The following INSIG1 variants were observed in gnomAD, a reference collection of about 807,000 sequenced individuals.
INSIG1 encodes insulin-induced gene 1 protein.
A neutral mutation model predicts 26.5 loss-of-function variants in INSIG1; 14 were observed. The ratio of observed to expected loss-of-function variants is 0.53; its 90% CI spans 0.35 to 0.83. INSIG1 has a LOEUF of 0.83. Among genes scored for constraint, INSIG1 ranks in the 40% least tolerant of loss-of-function variants. The pLI is 0.01. For missense variants in INSIG1, 272 were observed against 368.9 expected (o/e 0.74, Z 2.15); for synonymous variants, 147 against 153.3 (o/e 0.96, Z 0.30).
chr7:155,301,746 G>T, intron 3 of INSIG1, 56 bp downstream of exon 3: 1 of 1,432,128 alleles, frequency 7.0e-7, no homozygotes, highest in South Asian at 1.7e-5. Flanking sequence ...ATATATTGAA[G>T]CGTTTTGTTT....
rs77905358 is a variant in INSIG1, at chr7:155,308,975, G to A, written c.*705G>A. On this transcript the variant is annotated 3_prime_UTR_variant, in exon 6 of 6. Coordinates refer to ENST00000340368, the MANE Select transcript of INSIG1 (RefSeq NM_005542.6). ...TGAAAAGTCTTGGTTCCCACACTGC[G>A]ATATATTGGAATTTTCACCTCAGTT... is the stretch of plus-strand genomic sequence containing the variant. 0.013 allele frequency: 2,002 copies of A among 152,720 alleles called. 90 individuals are homozygous for A. The East Asian group carries it at 0.16, about 12-fold the overall frequency. The allele number at this position is 152,720 out of a possible 1,614,324, so 9.5% of individuals were successfully genotyped here. A position where few individuals can be genotyped will look rare whatever the true frequency, so the allele number is the denominator to read the frequency against.
chr7:155,299,547 G>A (rs1797729117), intron 2 of INSIG1, among the ~76,000 whole-genome samples: 1 of 152,194 alleles, frequency 6.6e-6, no homozygotes, highest in African/African-American at 2.4e-5. Context: ...AACTCTATAA[G>A]CTGTTGAAAT....
At position 155,302,452 on chromosome 7, in the gene INSIG1, G is replaced by A; in HGVS notation, c.704+35G>A. 5.9e-6 allele frequency: 9 copies of A among 1,530,300 alleles called. No individual in the cohort carries two copies. Among genetic ancestry groups the A allele is most frequent in the Non-Finnish European group, 7.0e-6 (8 of 1,137,702 alleles). 94.8% of individuals were successfully genotyped at this position (1,530,300 alleles called of 1,614,324 possible). A position where few individuals can be genotyped will look rare whatever the true frequency, so the allele number is the denominator to read the frequency against. ...TGTTTTCAAATATTGGCTTTGGAAA[G>A]CTTACTTAACTTTCATTAAAACATC... On this transcript the variant is annotated intron_variant, in intron 4 of 5. Transcript: ENST00000340368. This position sits in a 1 kb window ranked among gnomAD's most constrained non-coding sequence, Gnocchi z 4.3.
Position 155,302,426 on chromosome 7 carries a change from G to A in INSIG1, c.704+9G>A, listed in dbSNP as rs758099145. 1 of 1,566,370 alleles carries A rather than the reference G, an allele frequency of 6.4e-7. No homozygotes were observed. The highest frequency in any genetic ancestry group is 1.4e-5 in the African/African-American group (1 of 73,008). On this transcript the variant is annotated intron_variant, in intron 4 of 5. Coordinates refer to ENST00000340368, the MANE Select transcript of INSIG1 (RefSeq NM_005542.6). The surrounding 1 kb of genome is among the most constrained non-coding windows in gnomAD (Gnocchi z 4.3). ...TATAATGGTGTCTATCAGTAAGTGT[G>A]TGTTTTCAAATATTGGCTTTGGAAA...
chr7:155,307,089 C>T (rs1216233476), intron 5 of INSIG1, among the ~76,000 whole-genome samples: 1 of 152,218 alleles, frequency 6.6e-6, no homozygotes. Flanking sequence ...AGGTTGCTGC[C>T]AAGAGTTTGC....
chr7:155,304,713 A>G (rs951089627), intron 5 of INSIG1, among the ~76,000 whole-genome samples: 2 of 152,200 alleles, frequency 1.3e-5, no homozygotes, highest in African/African-American at 4.8e-5. Context: ...TTGCTTACAG[A>G]AAAAAATGTT....
At position 155,303,810 on chromosome 7, in the gene INSIG1, A is replaced by G. The variant is rs373521398; in HGVS notation, c.804+964A>G. On this transcript the variant is annotated intron_variant, in intron 5 of 5. Transcript: ENST00000340368. ...CCTCATGCTATTTTTAAAACAGTAC[A>G]TTTATTTTTGCCAGCTGATACCCTT... 4 of 1,350,960 alleles carry G rather than the reference A, an allele frequency of 3.0e-6. No homozygotes were observed. The African/African-American group carries it at 5.9e-5, about 20-fold the overall frequency. 83.7% of individuals were successfully genotyped at this position (1,350,960 alleles called of 1,614,324 possible).
At chr7:155,304,099 G>A (rs527738569) in intron 5 of INSIG1, among the ~76,000 whole-genome samples, 1 of 151,296 alleles carries the variant, frequency 6.6e-6, no homozygotes, top group African/African-American at 2.4e-5. Context: ...GAGTAGCTGG[G>A]ATTACAGGCA....
chr7:155,301,932 T>C (rs1209379215), intron 3 of INSIG1, among the ~76,000 whole-genome samples: 1 of 66,238 alleles, frequency 1.5e-5, no homozygotes, highest in Non-Finnish European at 3.0e-5. Flanking sequence ...ATATTATATA[T>C]ATTTTTAAAT....
Position 155,298,259 on chromosome 7 carries a change from G to A in INSIG1, c.-27G>A. 1 of 1,458,808 alleles carries A rather than the reference G, an allele frequency of 6.9e-7. No individual in the cohort carries two copies. Among genetic ancestry groups the A allele is most frequent in the Non-Finnish European group, 9.0e-7 (1 of 1,108,878 alleles). The allele number at this position is 1,458,808 out of a possible 1,614,324, so 90.4% of individuals were successfully genotyped here. A position where few individuals can be genotyped will look rare whatever the true frequency, so the allele number is the denominator to read the frequency against. On this transcript the variant is annotated splice_region_variant and 5_prime_UTR_variant, in exon 2 of 6. Coordinates refer to ENST00000340368, the MANE Select transcript of INSIG1 (RefSeq NM_005542.6). ...GAACTTGATGACCCCCTTCTTCCAG[G>A]AAGCGCCTCTTGGACGCGTGTGACC...
chr7:155,308,122 C>T (rs141224929), intron 5 of INSIG1, 119 bp from the exon 6 acceptor site: 8,881 of 600,516 alleles, frequency 0.015, 89 homozygotes, highest in Non-Finnish European at 0.02. Flanking sequence ...AATCTTGTTG[C>T]TTCAGTCAAA....
intron 5 of INSIG1, among the ~76,000 whole-genome samples, chr7:155,305,087 A>G (rs1797901347): frequency 6.6e-6 from 1 of 151,480 alleles, no homozygotes; most frequent in Non-Finnish European, 1.5e-5. Flanking sequence ...CAGAGCTTGC[A>G]ATGAGCCGAG....
chr7:155,307,550 C>T (rs545141317), intron 5 of INSIG1, among the ~76,000 whole-genome samples: 2 of 152,316 alleles, frequency 1.3e-5, no homozygotes, highest in Admixed American at 6.5e-5. Context: ...AGAATTTACC[C>T]TGAGGTGCCT....
Position 155,308,993 on chromosome 7 carries a change from C to T in INSIG1, c.*723C>T, listed in dbSNP as rs1798014889. 6.6e-6 allele frequency: 1 copy of T among 152,622 alleles called. No homozygotes were observed. Among genetic ancestry groups the T allele is most frequent in the Admixed American group, 6.5e-5 (1 of 15,288 alleles). The allele number at this position is 152,622 out of a possible 1,614,324, so 9.5% of individuals were successfully genotyped here. On this transcript the variant is annotated 3_prime_UTR_variant, in exon 6 of 6. Transcript: ENST00000340368. ...ACACTGCGATATATTGGAATTTTCA[C>T]CTCAGTTTATGAAGTTTATTTCGAA...
Position 155,302,858 on chromosome 7 carries a change from G to A in INSIG1, c.804+12G>A. The A allele has an allele frequency of 1.3e-6, 2 of 1,530,170 alleles. No individual in the cohort carries two copies. The highest frequency in any genetic ancestry group is 1.8e-6 in the Non-Finnish European group (2 of 1,104,150). 94.8% of individuals were successfully genotyped at this position (1,530,170 alleles called of 1,614,324 possible). A position where few individuals can be genotyped will look rare whatever the true frequency, so the allele number is the denominator to read the frequency against. The stretch of plus-strand genomic sequence containing the variant: ...GACAGTTAGCTATGGTAAGTGAAAT[G>A]ATCATATTATCTTCTAAAACTTGCG... On this transcript the variant is annotated intron_variant, in intron 5 of 5. Coordinates refer to ENST00000340368, the MANE Select transcript of INSIG1 (RefSeq NM_005542.6). The surrounding 1 kb of genome is among the most constrained non-coding windows in gnomAD (Gnocchi z 4.3).
chr7:155,303,976 CTTTTTT>C (rs11385167), intron 5 of INSIG1: 3,085 of 261,924 alleles, frequency 0.012, no homozygotes, highest in South Asian at 0.015. Context: ...CTTTGCTTGC[CTTTTTT>C]TTTTTTTTTT....
chr7:155,298,350 C>G lies in INSIG1; in HGVS notation c.65C>G (p.Pro22Arg), dbSNP rs773664641. 3 of 1,512,196 alleles carry G rather than the reference C, an allele frequency of 2.0e-6. No homozygotes were observed. In the Admixed American group the frequency reaches 7.2e-5, roughly 36 times the overall value. The allele number at this position is 1,512,196 out of a possible 1,614,324, so 93.7% of individuals were successfully genotyped here. The change falls in exon 2 of 6, where the codon CCC (proline) becomes CGC (arginine). Residue 22 changes from proline (P) to arginine (R), a missense_variant. Physicochemically the swap from Pro to Arg is moderately radical, Grantham distance 103. This residue lies in a region of INSIG1 where 161 missense variants were observed against 179.2 expected (regional missense o/e 0.90). Coordinates refer to ENST00000340368, the MANE Select transcript of INSIG1 (RefSeq NM_005542.6). The part of the protein sequence containing the change: ...SCAHSARRRG[P>R]PRASAAGLAA... ...GCGCACAGCGCGAGGCGCCGAGGCC[C>G]CCCGCGAGCCAGCGCCGCGGGGCTG...
intron 2 of INSIG1, among the ~76,000 whole-genome samples, chr7:155,301,149 G>A (rs535626446): frequency 1.3e-5 from 2 of 152,360 alleles, no homozygotes; most frequent in Non-Finnish European, 2.9e-5. Flanking sequence ...GTGACAGGGT[G>A]TGGACAGATG....
rs1233454614 is a variant in INSIG1 at position 155,310,014 on chromosome 7, T to C, written c.*1744T>C. ...GAAGTAAATCTATATCTGTTAGAAA[T>C]AATGTAGCCAAAAGAATGTAAATTT... On this transcript the variant is annotated 3_prime_UTR_variant, in exon 6 of 6. Coordinates refer to ENST00000340368, the MANE Select transcript of INSIG1 (RefSeq NM_005542.6). The C allele has an allele frequency of 2.0e-5, 3 of 152,648 alleles. No homozygotes were observed. The highest frequency in any genetic ancestry group is 2.9e-5 in the Non-Finnish European group (2 of 68,028). 9.5% of individuals were successfully genotyped at this position (152,648 alleles called of 1,614,324 possible).
Sources: allele counts gnomAD v4.1 joint callset (sites outside exome capture counted in the v4.1 genomes callset), GRCh38; gene constraint gnomAD v4.1.1; regional missense constraint gnomAD v4.1.1; non-coding constraint Gnocchi (gnomAD v3.1); transcripts MANE v1.5; gene names NCBI Gene and HGNC (gene_info 2026-07-23, HGNC 2026-07-21).